SCFD2: variants seen among roughly 807,000 people sequenced by gnomAD.
SCFD2 encodes the protein sec1 family domain-containing protein 2.
Under a neutral mutation model 58.9 loss-of-function variants are expected in SCFD2, and 54 were observed. The ratio of observed to expected loss-of-function variants is 0.92; its 90% CI spans 0.74 to 1.15. The LOEUF (loss-of-function observed/expected upper bound fraction) is 1.15. Ranked by LOEUF, SCFD2 falls within the 50% of genes most tolerant of loss-of-function variation. The probability of loss-of-function intolerance (pLI) is 0.00; values close to 1 mark genes in which losing one functional copy is unlikely to be tolerated. For synonymous variants in SCFD2, 321 were observed against 335.9 expected, an observed-to-expected ratio of 0.96 and a Z score of 0.49; for missense variants, 805 against 836.6, an observed-to-expected ratio of 0.96 and a Z score of 0.47.
intron 5 of SCFD2, among the ~76,000 whole-genome samples, chr4:53,009,048 G>C (rs2011215): frequency 0.34 from 51,374 of 152,028 alleles, 9,453 homozygotes; most frequent in Admixed American, 0.47. Context: ...CCTTTGGATG[G>C]TCAGCCACAC....
intron 5 of SCFD2, among the ~76,000 whole-genome samples, chr4:53,070,091 T>G (rs1422292418): frequency 6.6e-6 from 1 of 152,016 alleles, no homozygotes; most frequent in Non-Finnish European, 1.5e-5. Context: ...AGTCATTAAT[T>G]AAAATAAAGA....
At chr4:53,333,679 C>A (rs1032707853) in intron 2 of SCFD2, among the ~76,000 whole-genome samples, 1 of 136,992 alleles carries the variant, frequency 7.3e-6, no homozygotes, top group Non-Finnish European at 1.6e-5. Flanking sequence ...CCATTCAGGA[C>A]ATAGGCATGG....
chr4:52,897,235 A>C (rs907300480), intron 7 of SCFD2, among the ~76,000 whole-genome samples: 7 of 150,932 alleles, frequency 4.6e-5, no homozygotes, highest in African/African-American at 1.5e-4. Flanking sequence ...GTCTTGTGCC[A>C]GTTTTCAAAG....
chr4:53,240,048 T>C (rs1295223347), intron 4 of SCFD2, among the ~76,000 whole-genome samples: 1 of 152,204 alleles, frequency 6.6e-6, no homozygotes, highest in African/African-American at 2.4e-5. Flanking sequence ...CCTTAACTTA[T>C]GAAAGGTGCT....
chr4:52,892,923 A>C (rs1467956713), intron 7 of SCFD2, among the ~76,000 whole-genome samples: 1 of 152,244 alleles, frequency 6.6e-6, no homozygotes, highest in Non-Finnish European at 1.5e-5. Context: ...TTTGCTTTAC[A>C]GTTCATACCA....
intron 5 of SCFD2, among the ~76,000 whole-genome samples, chr4:53,003,538 G>C (rs1721909596): frequency 6.6e-6 from 1 of 152,142 alleles, no homozygotes; most frequent in African/African-American, 2.4e-5. Flanking sequence ...TTTGCAGTTA[G>C]ATTTTTAGAA....
chr4:52,941,203 T>G (rs189632690), intron 5 of SCFD2, among the ~76,000 whole-genome samples: 1 of 152,288 alleles, frequency 6.6e-6, no homozygotes, highest in Non-Finnish European at 1.5e-5. Flanking sequence ...ATACCTACTA[T>G]GCAGCATATA....
intron 5 of SCFD2, among the ~76,000 whole-genome samples, chr4:53,062,458 A>G (rs528124210): frequency 6.6e-6 from 1 of 152,244 alleles, no homozygotes; most frequent in East Asian, 1.9e-4. Flanking sequence ...TTAGACCCAT[A>G]CTTCCTTGTA....
intron 5 of SCFD2, among the ~76,000 whole-genome samples, chr4:53,068,389 T>G (rs189910910): frequency 6.6e-6 from 1 of 152,094 alleles, no homozygotes; most frequent in Non-Finnish European, 1.5e-5. Context: ...TTAACTTATT[T>G]AAATGACTTC....
rs1298768481 is a variant in SCFD2, at chr4:53,145,553, C to G, written c.1341G>C (p.Val447=). Residue 447 remains valine (V), a synonymous_variant, in exon 5 of 9, where the codon GTG becomes GTC. Coordinates refer to ENST00000401642, the MANE Select transcript of SCFD2 (RefSeq NM_152540.4). The stretch of plus-strand genomic sequence containing the variant: ...TAATCATGGGCAGCAGCTGATTTAA[C>G]ACAACGGACATTGCTGACTCCCCAA... ...QSIGESAMSV[V]LNQLLPMIKP... is the part of the protein sequence containing the mutation. 1.2e-6 allele frequency: 2 copies of G among 1,613,996 alleles called. No homozygotes were observed. The highest frequency in any genetic ancestry group is 2.7e-5 in the African/African-American group (2 of 74,912).
At chr4:53,012,373 C>T (rs564261843) in intron 5 of SCFD2, among the ~76,000 whole-genome samples, 1 of 151,378 alleles carries the variant, frequency 6.6e-6, no homozygotes, top group South Asian at 2.1e-4. Context: ...CTCTCTCTCT[C>T]TCTCACACAC....
intron 5 of SCFD2, among the ~76,000 whole-genome samples, chr4:53,144,410 T>C (rs549442872): frequency 6.7e-6 from 1 of 149,592 alleles, no homozygotes; most frequent in South Asian, 2.1e-4. Flanking sequence ...TACATGTATA[T>C]ATATGGACTT....
chr4:53,204,170 G>A (rs957308587), intron 4 of SCFD2, among the ~76,000 whole-genome samples: 21 of 151,672 alleles, frequency 1.4e-4, no homozygotes, highest in Non-Finnish European at 5.9e-5. Flanking sequence ...CATAAACTTA[G>A]CCTGTTCCAT....
At chr4:53,319,010 C>T (rs1732945579) in intron 2 of SCFD2, among the ~76,000 whole-genome samples, 1 of 152,168 alleles carries the variant, frequency 6.6e-6, no homozygotes, top group Admixed American at 6.5e-5. Flanking sequence ...GGCTTCTAAA[C>T]CCAGTAATCT....
intron 4 of SCFD2, among the ~76,000 whole-genome samples, chr4:53,205,634 C>T (rs766682999): frequency 6.6e-6 from 1 of 151,860 alleles, no homozygotes; most frequent in Non-Finnish European, 1.5e-5. Flanking sequence ...CCGAGGTGGG[C>T]GGATCACGAG....
At chr4:52,925,716 C>A (rs1719848234) in intron 5 of SCFD2, among the ~76,000 whole-genome samples, 1 of 152,098 alleles carries the variant, frequency 6.6e-6, no homozygotes. Context: ...TCATTTAATC[C>A]ACTTAGTTAA....
intron 5 of SCFD2, among the ~76,000 whole-genome samples, chr4:53,085,222 T>G (rs4479763): frequency 0.62 from 94,974 of 152,032 alleles, 30,201 homozygotes; most frequent in African/African-American, 0.75. Context: ...AATATCAGTA[T>G]TATTTCTATA....
At chr4:53,297,344 C>A (rs1447480512) in intron 3 of SCFD2, among the ~76,000 whole-genome samples, 1 of 152,096 alleles carries the variant, frequency 6.6e-6, no homozygotes, top group Admixed American at 6.6e-5. Flanking sequence ...TATATATTTA[C>A]TATAGTTAGC....
intron 5 of SCFD2, among the ~76,000 whole-genome samples, chr4:53,062,197 C>T (rs10027435): frequency 6.6e-6 from 1 of 151,244 alleles, no homozygotes; most frequent in African/African-American, 2.4e-5. Flanking sequence ...CAGGGCAAAA[C>T]CCCGTCTCTA....
Sources: allele counts gnomAD v4.1 joint callset (sites outside exome capture counted in the v4.1 genomes callset), GRCh38; gene constraint gnomAD v4.1.1; transcripts MANE v1.5; gene names NCBI Gene and HGNC (gene_info 2026-07-23, HGNC 2026-07-21).